The following PDE4D variants were observed in gnomAD, a reference collection of about 807,000 sequenced individuals.
PDE4D encodes the protein phosphodiesterase 4D, also known as 3',5'-cyclic-AMP phosphodiesterase 4D.
In PDE4D, 24 loss-of-function variants were observed where a neutral mutation model predicts 87.4. The ratio of observed to expected loss-of-function variants is 0.27; its 90% confidence interval spans 0.20 to 0.39. The LOEUF (loss-of-function observed/expected upper bound fraction) is 0.39. Ranked by LOEUF, PDE4D falls within the 10% of genes least tolerant of loss-of-function variation. PDE4D has a pLI of 1.00. For missense variants in PDE4D, 714 were observed against 1,041.0 expected (o/e 0.69, Z 4.32); for synonymous variants, 384 against 383.2 (o/e 1.00, Z -0.02).
At chr5:59,171,851 TAATA>T (rs1417063264) in intron 5 of PDE4D, among the ~76,000 whole-genome samples, 2 of 133,856 alleles carry the variant, frequency 1.5e-5, no homozygotes, top group Non-Finnish European at 3.1e-5. Context: ...ATTTATTTTA[TAATA>T]AACATATATA....
intron 1 of PDE4D, among the ~76,000 whole-genome samples, chr5:59,232,154 C>A (rs891860007): frequency 6.6e-6 from 1 of 151,992 alleles, no homozygotes; most frequent in Non-Finnish European, 1.5e-5. Flanking sequence ...GCAACAAAAA[C>A]AAAAACAGGC....
At chr5:59,487,555 T>C (rs1231376623) in intron 1 of PDE4D, among the ~76,000 whole-genome samples, 1 of 152,148 alleles carries the variant, frequency 6.6e-6, no homozygotes, top group African/African-American at 2.4e-5. Context: ...TAGTTAGTTA[T>C]TAGTCTATTT....
At chr5:60,379,191 GA>G (rs60761481) in intron 1 of PDE4D, among the ~76,000 whole-genome samples, 5,793 of 146,676 alleles carry the variant, frequency 0.039, 343 homozygotes, top group African/African-American at 0.13. Context: ...ACCAGGAAAA[GA>G]AAAAAAAAAA....
At chr5:59,120,373 T>C (rs1774282020) in intron 5 of PDE4D, among the ~76,000 whole-genome samples, 1 of 152,052 alleles carries the variant, frequency 6.6e-6, no homozygotes, top group Admixed American at 6.6e-5. Flanking sequence ...TAAGAGGAGG[T>C]CAGAGTTATC....
intron 3 of PDE4D, among the ~76,000 whole-genome samples, chr5:59,985,123 C>CTTTTTTTTT (rs1561944275): frequency 2.5e-5 from 2 of 80,326 alleles, no homozygotes; most frequent in African/African-American, 6.2e-5. Flanking sequence ...CTTCACCTTT[C>CTTTTTTTTT]GTTTTTTGTT....
At chr5:60,215,437 AT>A (rs1317761691) in intron 1 of PDE4D, among the ~76,000 whole-genome samples, 4 of 152,168 alleles carry the variant, frequency 2.6e-5, no homozygotes, top group Admixed American at 2.6e-4. Context: ...TTAATCTGAT[AT>A]ATGAATCTAT....
At chr5:59,489,018 G>A (rs1341782493) in intron 1 of PDE4D, among the ~76,000 whole-genome samples, 2 of 151,896 alleles carry the variant, frequency 1.3e-5, no homozygotes, top group Non-Finnish European at 2.9e-5. Flanking sequence ...CAGGCGTGAC[G>A]GCTCATGCCT....
At chr5:59,653,609 G>A (rs966852990) in intron 1 of PDE4D, among the ~76,000 whole-genome samples, 2 of 152,068 alleles carry the variant, frequency 1.3e-5, no homozygotes, top group Non-Finnish European at 2.9e-5. Flanking sequence ...CAAGAAAGGA[G>A]GAGAGAATTC....
intron 1 of PDE4D, among the ~76,000 whole-genome samples, chr5:60,279,503 A>T (rs1751684783): frequency 6.6e-6 from 1 of 152,098 alleles, no homozygotes; most frequent in Non-Finnish European, 1.5e-5. Flanking sequence ...TTTTGCAGGT[A>T]TAGATGTGAC....
chr5:60,136,940 C>CTCTTGAT (rs1780103715), intron 2 of PDE4D, among the ~76,000 whole-genome samples: 1 of 152,072 alleles, frequency 6.6e-6, no homozygotes, highest in Non-Finnish European at 1.5e-5. Context: ...ATTGGCTATT[C>CTCTTGAT]TCTTGATCCT....
At chr5:60,261,339 A>G (rs1274615228) in intron 1 of PDE4D, among the ~76,000 whole-genome samples, 1 of 152,156 alleles carries the variant, frequency 6.6e-6, no homozygotes, top group East Asian at 1.9e-4. Context: ...ACGCCAAATC[A>G]GACCTGAAAA....
At position 60,432,898 on chromosome 5, in the gene PDE4D, C is replaced by T. The variant is rs556895493; in HGVS notation, c.-90+55044G>A. On this transcript the variant is annotated intron_variant, in intron 1 of 16. Transcript: ENST00000502484. ...TCATATGCCAAAGACTGAAACTGGA[C>T]AGCTTCCTTAGATCATATACAAAAA... Among the ~76,000 whole-genome samples the T allele has an allele frequency of 1.2e-4, 19 of 152,302 alleles. No individual in the cohort carries two copies. The South Asian group carries it at 1.5e-3, about 12-fold the overall frequency.
In PDE4D at chr5:58,973,792, G is replaced by GACTTACTT. The variant is rs573384171; in HGVS notation, c.*871_*872insAAGTAAGT. 1 of 152,310 alleles carries GACTTACTT rather than the reference G, an allele frequency of 6.6e-6. No individual in the cohort carries two copies. Among genetic ancestry groups the GACTTACTT allele is most frequent in the African/African-American group, 2.4e-5 (1 of 41,340 alleles). 9.4% of individuals were successfully genotyped at this position (152,310 alleles called of 1,614,324 possible). A position where few individuals can be genotyped will look rare whatever the true frequency, so the allele number is the denominator to read the frequency against. On this transcript the variant is annotated 3_prime_UTR_variant, in exon 15 of 15. Transcript: ENST00000340635. ...AACAAAATGCAAAGTAAATAATAAA[G>GACTTACTT]ACTTACAAAAAGGGTTTCCTGCAAC... is the stretch of plus-strand genomic sequence containing the variant.
At chr5:59,257,947 C>T (rs1325517293) in intron 1 of PDE4D, among the ~76,000 whole-genome samples, 1 of 151,842 alleles carries the variant, frequency 6.6e-6, no homozygotes, top group Non-Finnish European at 1.5e-5. Flanking sequence ...CAGAAAACAC[C>T]CCAGTCAAAG....
intron 1 of PDE4D, among the ~76,000 whole-genome samples, chr5:59,400,313 G>A (rs1445986543): frequency 8.7e-6 from 1 of 115,488 alleles, no homozygotes; most frequent in Non-Finnish European, 1.7e-5. Flanking sequence ...ATTCACAATA[G>A]CAAAGACTTG....
At chr5:59,963,203 A>G (rs1759667270) in intron 3 of PDE4D, among the ~76,000 whole-genome samples, 1 of 152,144 alleles carries the variant, frequency 6.6e-6, no homozygotes, top group Admixed American at 6.5e-5. Flanking sequence ...ATCTCTCTAT[A>G]TTCCACTCTG....
intron 2 of PDE4D, among the ~76,000 whole-genome samples, chr5:60,096,677 G>A (rs187247609): frequency 1.8e-3 from 273 of 152,190 alleles, no homozygotes; most frequent in Admixed American, 2.8e-3. Context: ...ACTCTTACAA[G>A]TCACTGAATG....
chr5:59,287,736 GAC>G (rs1491056293), intron 1 of PDE4D, among the ~76,000 whole-genome samples: 2 of 144,866 alleles, frequency 1.4e-5, no homozygotes, highest in East Asian at 2.3e-4. Context: ...GAGAGAGAGA[GAC>G]AGACAGACAG....
At chr5:59,083,426 C>G (rs1420944028) in intron 5 of PDE4D, among the ~76,000 whole-genome samples, 1 of 151,978 alleles carries the variant, frequency 6.6e-6, no homozygotes, top group Non-Finnish European at 1.5e-5. Context: ...TTTCCCACAT[C>G]CTTTCCCATT....
Sources: gnomAD v4.1 joint callset for allele counts (sites outside exome capture counted in the v4.1 genomes callset) on GRCh38, gnomAD v4.1.1 for gene constraint, MANE v1.5 for transcripts, NCBI Gene and HGNC (gene_info 2026-07-23, HGNC 2026-07-21) for gene names.